Variants in BCAS3 observed in about 807,000 individuals in gnomAD.
BCAS3 encodes the protein BCAS4/BCAS3 fusion.
BCAS3 carries 53 observed loss-of-function variants against 116.1 expected under a neutral mutation model. That is an observed-to-expected ratio of 0.46 (90% confidence interval 0.37 to 0.57). The LOEUF (loss-of-function observed/expected upper bound fraction) is 0.57, where lower values mean the gene tolerates loss of function less well. BCAS3 is among the 20% of genes least tolerant of loss of function. The probability of loss-of-function intolerance (pLI) is 0.00; values close to 1 mark genes in which losing one functional copy is unlikely to be tolerated. For missense variants in BCAS3, 917 were observed against 1,165.4 expected (o/e 0.79, Z 3.10); for synonymous variants, 391 against 408.2 (o/e 0.96, Z 0.51).
rs1030597227 is a variant in BCAS3, at chr17:61,063,869, A to T, written c.2030-11051A>T. On this transcript the variant is annotated intron_variant, in intron 19 of 23. Coordinates refer to ENST00000407086, the MANE Select transcript of BCAS3 (RefSeq NM_017679.5). The surrounding 1 kb of genome is among the most constrained non-coding windows in gnomAD (Gnocchi z 5.3). The stretch of plus-strand genomic sequence containing the variant: ...GGATGGCCTGGCCACTGAAGACTTC[A>T]TCTTCAATACCATCTTGTCCCTTCT... Among the ~76,000 whole-genome samples the T allele has an allele frequency of 6.6e-6, 1 of 152,186 alleles. No homozygotes were observed. The highest frequency in any genetic ancestry group is 6.5e-5 in the Admixed American group (1 of 15,284).
chr17:61,267,451 A>G lies in BCAS3; in HGVS notation c.2426-100876A>G, dbSNP rs2049833616. On this transcript the variant is annotated intron_variant, in intron 22 of 23. Transcript: ENST00000407086. ...TTTATTTTTTGAAAAGAAAAAACTA[A>G]TTTAGGCCAGGTGCGGTGGCTCACG... is the stretch of plus-strand genomic sequence containing the variant. Among the ~76,000 whole-genome samples, 3 of 151,256 alleles carry G rather than the reference A, an allele frequency of 2.0e-5. No individual in the cohort carries two copies. In the South Asian group the frequency reaches 6.3e-4, roughly 32 times the overall value.
intron 22 of BCAS3, among the ~76,000 whole-genome samples, chr17:61,096,572 A>G (rs544545515): frequency 6.6e-6 from 1 of 152,274 alleles, no homozygotes; most frequent in South Asian, 2.1e-4. Flanking sequence ...CAAAAAATGA[A>G]CTTGTTTCCA....
At chr17:61,036,335 C>G (rs1429839927) in intron 17 of BCAS3, 1 of 152,164 alleles carries the variant, frequency 6.6e-6, no homozygotes, top group Non-Finnish European at 1.5e-5. Context: ...TATCGCCTTT[C>G]AGTGACCCTT....
intron 3 of BCAS3, among the ~76,000 whole-genome samples, chr17:60,688,677 G>T (rs1190703349): frequency 6.6e-6 from 1 of 152,010 alleles, no homozygotes; most frequent in South Asian, 2.1e-4. Flanking sequence ...TTAGCTGGGC[G>T]TGGTGGCACA....
rs753076902 is a variant in BCAS3, at chr17:61,214,094, G to A, written c.2425+129530G>A. ...TTTGAGCTATAGGAATAGGCCATTC[G>A]TGGTGGCTCACACCTGTAATCCCAG... is the stretch of plus-strand genomic sequence containing the variant. On this transcript the variant is annotated intron_variant, in intron 22 of 23. Coordinates refer to ENST00000407086, the MANE Select transcript of BCAS3 (RefSeq NM_017679.5). This position sits in a 1 kb window ranked among gnomAD's most constrained non-coding sequence, Gnocchi z 4.4. Among the ~76,000 whole-genome samples the A allele has an allele frequency of 2.0e-5, 3 of 152,230 alleles. No individual in the cohort carries two copies. The highest frequency in any genetic ancestry group is 2.9e-5 in the Non-Finnish European group (2 of 68,010).
At position 60,982,745 on chromosome 17, in the gene BCAS3, G is replaced by C. The variant is rs999031469; in HGVS notation, c.1222-7226G>C. Among the ~76,000 whole-genome samples, 8 of 151,126 alleles carry C rather than the reference G, an allele frequency of 5.3e-5. No individual in the cohort carries two copies. The East Asian group carries it at 7.7e-4, about 15-fold the overall frequency. ...TTTGAATTGCATCAACAAAAATTTTGTCAAAATTTGGTTTTTCTCTTGTTA... is the reference window on the plus strand; with the variant it reads ...TTTGAATTGCATCAACAAAAATTTTCTCAAAATTTGGTTTTTCTCTTGTTA... On this transcript the variant is annotated intron_variant, in intron 14 of 23. Transcript: ENST00000407086.
intron 7 of BCAS3, among the ~76,000 whole-genome samples, chr17:60,832,241 A>G (rs774927627): frequency 6.6e-6 from 1 of 152,178 alleles, no homozygotes; most frequent in Non-Finnish European, 1.5e-5. Context: ...GTGAATAGAG[A>G]GGAAATTTAT....
At chr17:61,357,257 TAAATA>T (rs2058193043) in intron 22 of BCAS3, among the ~76,000 whole-genome samples, 3 of 146,156 alleles carry the variant, frequency 2.1e-5, no homozygotes, top group South Asian at 2.1e-4. Context: ...AATAAATAAA[TAAATA>T]AATAAATTAA....
chr17:61,297,977 G>A (rs747191594), intron 22 of BCAS3, among the ~76,000 whole-genome samples: 1 of 152,144 alleles, frequency 6.6e-6, no homozygotes, highest in Non-Finnish European at 1.5e-5. Context: ...CAGCTAACTT[G>A]GGTCTCCCTG....
At chr17:61,287,255 A>C (rs1361271069) in intron 22 of BCAS3, among the ~76,000 whole-genome samples, 1 of 151,792 alleles carries the variant, frequency 6.6e-6, no homozygotes, top group East Asian at 1.9e-4. Context: ...AAAAAAAAAA[A>C]AACTCTATGG....
At position 61,265,723 on chromosome 17, in the gene BCAS3, C is replaced by T. The variant is rs1228772479; in HGVS notation, c.2426-102604C>T. Reference sequence around the variant, plus strand: ...TCCCCCCCATCAAGTAGTATATCTGCCAGGGTTTGTGTGTGTCATACTGTC... The same window carrying T: ...TCCCCCCCATCAAGTAGTATATCTGTCAGGGTTTGTGTGTGTCATACTGTC... On this transcript the variant is annotated intron_variant, in intron 22 of 23. Coordinates refer to ENST00000407086, the MANE Select transcript of BCAS3 (RefSeq NM_017679.5). The surrounding 1 kb of genome is among the most constrained non-coding windows in gnomAD (Gnocchi z 4.3). Among the ~76,000 whole-genome samples the T allele has an allele frequency of 6.6e-6, 1 of 151,970 alleles. No homozygotes were observed. Among genetic ancestry groups the T allele is most frequent in the Admixed American group, 6.6e-5 (1 of 15,266 alleles).
rs537354167 is a variant in BCAS3, at chr17:61,029,562, A to G, written c.1638-5104A>G. ...TTTTTGAATCTGAATTTTGCTTTCA[A>G]TATTACAAATAAATAGGAATGTATC... On this transcript the variant is annotated intron_variant, in intron 16 of 23. Transcript: ENST00000407086. The surrounding 1 kb of genome is among the most constrained non-coding windows in gnomAD (Gnocchi z 5.2). Among the ~76,000 whole-genome samples the G allele has an allele frequency of 1.3e-5, 2 of 151,972 alleles. No individual in the cohort carries two copies. The highest frequency in any genetic ancestry group is 2.9e-5 in the Non-Finnish European group (2 of 67,896).
At position 61,261,315 on chromosome 17, in the gene BCAS3, G is replaced by A. The variant is rs1033172019; in HGVS notation, c.2426-107012G>A. 6.6e-6 allele frequency among the ~76,000 whole-genome samples: 1 copy of A among 152,344 alleles called. No individual in the cohort carries two copies. The highest frequency in any genetic ancestry group is 6.5e-5 in the Admixed American group (1 of 15,302). The stretch of plus-strand genomic sequence containing the variant: ...TCCTGCCTCCCAGTCTTAGCTGGGC[G>A]AGGGACAGTTAAGTAAAAAGAGTTC... On this transcript the variant is annotated intron_variant, in intron 22 of 23. Coordinates refer to ENST00000407086, the MANE Select transcript of BCAS3 (RefSeq NM_017679.5). The surrounding 1 kb of genome is among the most constrained non-coding windows in gnomAD (Gnocchi z 4.4).
At chr17:60,737,819 T>C (rs1342971180) in intron 5 of BCAS3, among the ~76,000 whole-genome samples, 1 of 152,142 alleles carries the variant, frequency 6.6e-6, no homozygotes, top group African/African-American at 2.4e-5. Context: ...GGAGTCTCAC[T>C]CTTGTTGCCT....
At position 61,028,745 on chromosome 17, in the gene BCAS3, A is replaced by G. The variant is rs906513947; in HGVS notation, c.1638-5921A>G. Among the ~76,000 whole-genome samples, 1 of 151,934 alleles carries G rather than the reference A, an allele frequency of 6.6e-6. No homozygotes were observed. The highest frequency in any genetic ancestry group is 6.6e-5 in the Admixed American group (1 of 15,234). On this transcript the variant is annotated intron_variant, in intron 16 of 23. Transcript: ENST00000407086. This position sits in a 1 kb window ranked among gnomAD's most constrained non-coding sequence, Gnocchi z 4.3. ...CAGATTAAAGAAAGGGATATATTAA[A>G]TATAGTAGACTTTTAAATCATTGCC...
intron 22 of BCAS3, among the ~76,000 whole-genome samples, chr17:61,133,987 A>G (rs1264465009): frequency 3.3e-5 from 5 of 152,166 alleles, no homozygotes; most frequent in African/African-American, 1.2e-4. Flanking sequence ...TCCAAGGAGC[A>G]ATGGAGCAGA....
At chr17:60,781,154 G>C (rs944057766) in intron 6 of BCAS3, among the ~76,000 whole-genome samples, 7 of 151,752 alleles carry the variant, frequency 4.6e-5, no homozygotes, top group South Asian at 2.1e-4. Context: ...ATTTTTAGTA[G>C]AGATGGGGTC....
intron 12 of BCAS3, among the ~76,000 whole-genome samples, chr17:60,923,386 A>G (rs563683334): frequency 1.3e-5 from 2 of 152,120 alleles, no homozygotes; most frequent in Non-Finnish European, 2.9e-5. Context: ...GCTTAAGTAC[A>G]TTGTTTTTTT....
At chr17:60,933,905 A>G (rs2059789248) in intron 13 of BCAS3, among the ~76,000 whole-genome samples, 1 of 152,112 alleles carries the variant, frequency 6.6e-6, no homozygotes, top group African/African-American at 2.4e-5. Flanking sequence ...CTCTTGTTTC[A>G]TCATCTTGTA....
Sources: gnomAD v4.1 joint callset for allele counts (sites outside exome capture counted in the v4.1 genomes callset) on GRCh38, gnomAD v4.1.1 for gene constraint, Gnocchi (gnomAD v3.1) non-coding constraint, MANE v1.5 for transcripts, NCBI Gene and HGNC (gene_info 2026-07-23, HGNC 2026-07-21) for gene names.